Variants in DLG2 observed in about 807,000 individuals in gnomAD.
The protein encoded by DLG2 is discs large MAGUK scaffold protein 2.
Under a neutral mutation model 132.5 loss-of-function variants are expected in DLG2, and 45 were observed. The observed-to-expected ratio is 0.34, with a 90% confidence interval of 0.27 to 0.44. The LOEUF (loss-of-function observed/expected upper bound fraction) is 0.44. Among genes scored for constraint, DLG2 ranks in the 20% least tolerant of loss-of-function variants. The pLI is 1.00. For missense variants in DLG2, 1,045 were observed against 1,196.9 expected, an observed-to-expected ratio of 0.87 and a Z score of 1.87; for synonymous variants, 424 against 419.6, an observed-to-expected ratio of 1.01 and a Z score of -0.13.
At chr11:84,737,409 T>C (rs2063982127) in intron 6 of DLG2, among the ~76,000 whole-genome samples, 1 of 151,932 alleles carries the variant, frequency 6.6e-6, no homozygotes, top group African/African-American at 2.4e-5. Flanking sequence ...TTAGGAATGA[T>C]TTGCATAGAA....
intron 6 of DLG2, among the ~76,000 whole-genome samples, chr11:84,583,714 T>A (rs1476663484): frequency 6.6e-6 from 1 of 152,140 alleles, no homozygotes; most frequent in East Asian, 1.9e-4. Context: ...AGCACTCCTT[T>A]TTTCATTGTA....
At chr11:85,406,706 T>C (rs1182904524) in intron 3 of DLG2, among the ~76,000 whole-genome samples, 1 of 151,946 alleles carries the variant, frequency 6.6e-6, no homozygotes, top group African/African-American at 2.4e-5. Context: ...AACAAATATT[T>C]ATTGAGGCCA....
intron 6 of DLG2, among the ~76,000 whole-genome samples, chr11:84,850,926 G>C (rs1455448791): frequency 1.3e-5 from 2 of 151,920 alleles, no homozygotes; most frequent in Non-Finnish European, 2.9e-5. Flanking sequence ...CATGTTTATG[G>C]GCTGCAAGGC....
intron 6 of DLG2, among the ~76,000 whole-genome samples, chr11:84,947,951 G>A (rs1392355205): frequency 6.6e-6 from 1 of 152,152 alleles, no homozygotes; most frequent in Non-Finnish European, 1.5e-5. Flanking sequence ...AGCAATGATA[G>A]GTAACAAAGA....
chr11:84,331,386 T>G (rs1425015360), intron 7 of DLG2, among the ~76,000 whole-genome samples: 2 of 150,826 alleles, frequency 1.3e-5, no homozygotes, highest in Admixed American at 1.3e-4. Flanking sequence ...AATTCAAATT[T>G]AGGTCAGTCA....
chr11:83,657,762 A>C (rs370168819), intron 18 of DLG2, among the ~76,000 whole-genome samples: 1 of 151,860 alleles, frequency 6.6e-6, no homozygotes, highest in Non-Finnish European at 1.5e-5. Context: ...GGATGGTCTC[A>C]ATCTCCTGAC....
intron 12 of DLG2, among the ~76,000 whole-genome samples, chr11:83,979,770 A>T (rs1380088098): frequency 1.3e-5 from 2 of 152,196 alleles, no homozygotes; most frequent in Non-Finnish European, 2.9e-5. Context: ...CTGGTTGCAC[A>T]AAGGACTGTG....
chr11:84,336,102 T>C (rs1226771955), intron 7 of DLG2, among the ~76,000 whole-genome samples: 1 of 152,222 alleles, frequency 6.6e-6, no homozygotes, highest in Non-Finnish European at 1.5e-5. Flanking sequence ...TATTTACCAA[T>C]AGGAACTTTT....
In DLG2 at chr11:85,500,561, T is replaced by TAAA. The variant is rs147303724; in HGVS notation, c.40+98093_40+98095dup. On this transcript the variant is annotated intron_variant, in intron 3 of 27. Transcript: ENST00000376104. Reference sequence around the variant, plus strand: ...TATAATAAAAAAAATAAAAATAAAATAAATAAATAAATAAATAAAGTTACA... The same window carrying TAAA: ...TATAATAAAAAAAATAAAAATAAAATAAAAAATAAATAAATAAATAAAGTTACA... 6.8e-3 allele frequency among the ~76,000 whole-genome samples: 191 copies of TAAA among 27,908 alleles called. 4 individuals carry two copies. The highest frequency in any genetic ancestry group is 0.019 in the Admixed American group (70 of 3,740). The allele number at this position is 27,908 out of a possible 152,430, so 18.3% of individuals were successfully genotyped here.
In DLG2 at chr11:85,170,318, T is replaced by C. The variant is rs910614717; in HGVS notation, c.187-15667A>G. ...CTGTATGACATTCTTTCCCCCCACA[T>C]ATACAGCAGGATACTTGCCTCGTAA... On this transcript the variant is annotated intron_variant, in intron 4 of 27. Coordinates refer to ENST00000376104, the MANE Select transcript of DLG2 (RefSeq NM_001142699.3). Among the ~76,000 whole-genome samples the C allele has an allele frequency of 3.5e-4, 54 of 152,168 alleles. 1 individual carries two copies. Among genetic ancestry groups the C allele is most frequent in the African/African-American group, 1.2e-3 (51 of 41,502 alleles).
intron 4 of DLG2, among the ~76,000 whole-genome samples, chr11:85,170,199 A>G (rs2078741154): frequency 6.6e-6 from 1 of 152,194 alleles, no homozygotes; most frequent in Non-Finnish European, 1.5e-5. Context: ...ACTGGACAAA[A>G]AGGGGTATGA....
chr11:84,745,106 A>T (rs1395198866), intron 6 of DLG2, among the ~76,000 whole-genome samples: 2 of 152,092 alleles, frequency 1.3e-5, no homozygotes, highest in African/African-American at 4.8e-5. Context: ...TCCATGAAAA[A>T]GAGGGGCTCC....
At chr11:85,340,582 T>C (rs1238062107) in intron 3 of DLG2, among the ~76,000 whole-genome samples, 2 of 152,212 alleles carry the variant, frequency 1.3e-5, no homozygotes, top group South Asian at 2.1e-4. Context: ...GGCACATGTA[T>C]ACCTACGTAT....
chr11:84,791,621 A>T (rs2073859624), intron 6 of DLG2, among the ~76,000 whole-genome samples: 1 of 152,078 alleles, frequency 6.6e-6, no homozygotes, highest in Non-Finnish European at 1.5e-5. Flanking sequence ...TTCTTTCATC[A>T]GTGTTTTATA....
At chr11:84,670,709 C>T (rs1261877162) in intron 6 of DLG2, among the ~76,000 whole-genome samples, 1 of 152,100 alleles carries the variant, frequency 6.6e-6, no homozygotes, top group Non-Finnish European at 1.5e-5. Context: ...AGTTTAATGT[C>T]ACACAATGAC....
At chr11:85,347,008 A>C (rs2082895433) in intron 3 of DLG2, among the ~76,000 whole-genome samples, 1 of 152,186 alleles carries the variant, frequency 6.6e-6, no homozygotes, top group Admixed American at 6.5e-5. Flanking sequence ...GGGACATAAA[A>C]GGAAAATGCA....
intron 6 of DLG2, among the ~76,000 whole-genome samples, chr11:84,813,390 T>C (rs775844912): frequency 1.3e-5 from 2 of 152,064 alleles, no homozygotes; most frequent in East Asian, 1.9e-4. Flanking sequence ...AGGAGATAAC[T>C]GAGGTACAGA....
rs752238994 is a variant in DLG2 at position 84,621,346 on chromosome 11, GTTAA to G, written c.358-86619_358-86616del. Among the ~76,000 whole-genome samples, 144 of 152,166 alleles carry G rather than the reference GTTAA, an allele frequency of 9.5e-4. 2 individuals carry two copies. The highest frequency in any genetic ancestry group is 2.4e-3 in the Admixed American group (37 of 15,286). Reference sequence around the variant, plus strand: ...AGTAGAGGAAGTCTGGAAGCTGGGGGTTAATTAGGAGATTATTTTCATGCTGAAG... The same window carrying G: ...AGTAGAGGAAGTCTGGAAGCTGGGGGTTAGGAGATTATTTTCATGCTGAAG... On this transcript the variant is annotated intron_variant, in intron 6 of 27. Coordinates refer to ENST00000376104, the MANE Select transcript of DLG2 (RefSeq NM_001142699.3).
At chr11:83,660,592 T>C (rs1181672030) in intron 18 of DLG2, among the ~76,000 whole-genome samples, 3 of 152,172 alleles carry the variant, frequency 2.0e-5, no homozygotes, top group Non-Finnish European at 4.4e-5. Flanking sequence ...CACTTACCTA[T>C]AGCCATTTTC....
Sources: allele counts gnomAD v4.1 joint callset (sites outside exome capture counted in the v4.1 genomes callset), GRCh38; gene constraint gnomAD v4.1.1; transcripts MANE v1.5; gene names NCBI Gene and HGNC (gene_info 2026-07-23, HGNC 2026-07-21).